The following ABCC9 variants were observed in gnomAD, a reference collection of about 807,000 sequenced individuals.
The protein encoded by ABCC9 is ATP-binding cassette sub-family C member 9.
In ABCC9, 95 loss-of-function variants were observed where a neutral mutation model predicts 188.3. The ratio of observed to expected loss-of-function variants is 0.50; its 90% CI spans 0.43 to 0.60. ABCC9 has a LOEUF of 0.60. Ranked by LOEUF, ABCC9 falls within the 20% of genes least tolerant of loss-of-function variation. The pLI is 0.00. For synonymous variants in ABCC9, 659 were observed against 652.7 expected (o/e 1.01, Z -0.15); for missense variants, 1,102 against 1,876.3 (o/e 0.59, Z 7.62).
chr12:21,818,104 G>T, intron 32 of ABCC9, 46 bp downstream of exon 32: 1 of 1,301,588 alleles, frequency 7.7e-7, no homozygotes, highest in Non-Finnish European at 1.1e-6. Flanking sequence ...GTGAGAACAT[G>T]CGGTGTTTGG....
chr12:21,936,638 A>G lies in ABCC9; in HGVS notation c.37T>C (p.Tyr13His), dbSNP rs771346551. The change falls in exon 3 of 40, where the codon TAT (tyrosine) becomes CAT (histidine). Residue 13 changes from tyrosine (Y) to histidine (H), a missense_variant. By Grantham distance (83) the Tyr-to-His change is moderately conservative. Around this residue, in one of 12 missense-constraint regions of ABCC9, gnomAD observed 305 missense variants for 573.0 expected, o/e 0.53. Transcript: ENST00000261200. Reference sequence around the variant, plus strand: ...TGTAGTACACCATCGTTGATATTATATGAAGAAATGTTGTTACCACAAAAT... The same window carrying G: ...TGTAGTACACCATCGTTGATATTATGTGAAGAAATGTTGTTACCACAAAAT... The part of the protein sequence containing the change: ...LSFCGNNISS[Y>H]NINDGVLQNS... 1.9e-6 allele frequency: 3 copies of G among 1,611,176 alleles called. No homozygotes were observed. Among genetic ancestry groups the G allele is most frequent in the Non-Finnish European group, 2.5e-6 (3 of 1,177,570 alleles).
intron 4 of ABCC9, among the ~76,000 whole-genome samples, chr12:21,933,108 T>C (rs1949352481): frequency 6.6e-6 from 1 of 151,806 alleles, no homozygotes; most frequent in Non-Finnish European, 1.5e-5. Context: ...GAGGCCATTA[T>C]TCTTAGCAAA....
At chr12:21,896,079 C>CTTTTTTTTTTTTTTTTTTTCTT (rs5796933) in intron 12 of ABCC9, among the ~76,000 whole-genome samples, 1 of 128,050 alleles carries the variant, frequency 7.8e-6, no homozygotes, top group African/African-American at 2.9e-5. Context: ...ATCTAATTTT[C>CTTTTTTTTTTTTTTTTTTTCTT]TTTTTTTTTT....
At chr12:21,842,872 A>C (rs199979690) in intron 28 of ABCC9, among the ~76,000 whole-genome samples, 2 of 152,146 alleles carry the variant, frequency 1.3e-5, no homozygotes, top group East Asian at 3.9e-4. Context: ...ATTTAAATTA[A>C]TTTTCTGTAA....
In ABCC9 at chr12:21,906,157, G is replaced by C. The variant is rs570095510; in HGVS notation, c.1587C>G (p.Leu529=). The C allele has an allele frequency of 7.4e-6, 12 of 1,613,168 alleles. No homozygotes were observed. The South Asian group carries it at 1.3e-4, about 18-fold the overall frequency. ...EETRMKELSS[L]KTFALYTSLS... Reference sequence around the variant, plus strand: ...GTGATGTATATAGTGCAAAGGTTTTGAGACTAGATAGTTCTTTCATTCTTG... The same window carrying C: ...GTGATGTATATAGTGCAAAGGTTTTCAGACTAGATAGTTCTTTCATTCTTG... The change falls in exon 12 of 40, where the codon CTC becomes CTG. Residue 529 remains leucine (L), a synonymous_variant. Coordinates refer to ENST00000261200, the MANE Select transcript of ABCC9 (RefSeq NM_020297.4).
rs1323502127 is a variant in ABCC9 at position 21,848,261 on chromosome 12, G to C, written c.2770-15C>G. ...GCTTCCATATCCTGCAGTAAACATT[G>C]TACTATCATGCAAGGAGCTAACACC... is the stretch of plus-strand genomic sequence containing the variant. On this transcript the variant is annotated splice_polypyrimidine_tract_variant and intron_variant, in intron 24 of 39. Coordinates refer to ENST00000261200, the MANE Select transcript of ABCC9 (RefSeq NM_020297.4). The C allele has an allele frequency of 6.2e-7, 1 of 1,605,138 alleles. No individual in the cohort carries two copies. The highest frequency in any genetic ancestry group is 8.5e-7 in the Non-Finnish European group (1 of 1,172,332).
Position 21,906,256 on chromosome 12 carries a change from AT to A in ABCC9, c.1487del (p.Asn496MetfsTer4). 6.2e-7 allele frequency: 1 copy of A among 1,612,344 alleles called. No individual in the cohort carries two copies. Among genetic ancestry groups the A allele is most frequent in the Non-Finnish European group, 8.5e-7 (1 of 1,178,996 alleles). On this transcript the variant is annotated frameshift_variant, in exon 12 of 40. Transcript: ENST00000261200. LOFTEE classifies it high-confidence loss of function. ...GAAGTTTGATGCCTTTCAATATTTC[AT>A]TTGTTTTCTTGAGTCTCTCAGTGGA... ...DYSTERLKKT[N>X]EILKGIKLLK...
chr12:21,810,635 C>T (rs539550594), intron 36 of ABCC9, among the ~76,000 whole-genome samples: 15 of 152,114 alleles, frequency 9.9e-5, no homozygotes, highest in African/African-American at 1.2e-4. Context: ...TGGGGGTAAC[C>T]GCCCCCATGA....
At chr12:21,926,309 A>G (rs1049165500) in intron 4 of ABCC9, among the ~76,000 whole-genome samples, 26 of 152,232 alleles carry the variant, frequency 1.7e-4, no homozygotes, top group Non-Finnish European at 7.3e-5. Context: ...CTTACAAAGA[A>G]ACAAATGTAT....
Position 21,910,089 on chromosome 12 carries a change from A to G in ABCC9, c.1320+68T>C, listed in dbSNP as rs1592210669. 4.9e-6 allele frequency: 7 copies of G among 1,436,240 alleles called. No individual in the cohort carries two copies. In the East Asian group the frequency reaches 1.4e-4, roughly 28 times the overall value. 89.0% of individuals were successfully genotyped at this position (1,436,240 alleles called of 1,614,324 possible). ...AACTATACACCTTTTACAGAGCTAA[A>G]TACATTACTGCTTTTTTTGTTTTAT... On this transcript the variant is annotated intron_variant, in intron 10 of 39. Coordinates refer to ENST00000261200, the MANE Select transcript of ABCC9 (RefSeq NM_020297.4).
chr12:21,838,160 C>T lies in ABCC9; in HGVS notation c.3484G>A (p.Glu1162Lys). The change falls in exon 30 of 40, where the codon GAA (glutamate) becomes AAA (lysine). Residue 1162 changes from glutamate (E) to lysine (K), a missense_variant. Coordinates refer to ENST00000261200, the MANE Select transcript of ABCC9 (RefSeq NM_020297.4). Reference sequence around the variant, plus strand: ...GGGAGCTGGGTACTATCGTCAAGTTCCTGGAGGTCCCTAGTAGAGAGAGGG... The same window carrying T: ...GGGAGCTGGGTACTATCGTCAAGTTTCTGGAGGTCCCTAGTAGAGAGAGGG... ...YFRVASKDLQ[E>K]LDDSTQLPLL... The T allele has an allele frequency of 6.2e-7, 1 of 1,613,498 alleles. No homozygotes were observed. Among genetic ancestry groups the T allele is most frequent in the East Asian group, 2.2e-5 (1 of 44,868 alleles).
chr12:21,911,088 G>A (rs967167671), intron 8 of ABCC9, 110 bp from the exon 9 acceptor site: 11 of 1,066,454 alleles, frequency 1.0e-5, no homozygotes, highest in African/African-American at 8.0e-5. Context: ...AAAATTCAAT[G>A]TATTTATTAT....
At chr12:21,850,635 A>G (rs1322205562) in intron 24 of ABCC9, among the ~76,000 whole-genome samples, 4 of 152,162 alleles carry the variant, frequency 2.6e-5, no homozygotes, top group Non-Finnish European at 5.9e-5. Context: ...CTTGCTTAAC[A>G]GTGTTACTAT....
At chr12:21,919,331 T>C (rs1254101836) in intron 5 of ABCC9, among the ~76,000 whole-genome samples, 2 of 151,938 alleles carry the variant, frequency 1.3e-5, no homozygotes, top group African/African-American at 2.4e-5. Flanking sequence ...ATACTAGGAA[T>C]GAAAGAGGCA....
intron 5 of ABCC9, among the ~76,000 whole-genome samples, chr12:21,922,281 C>T (rs1948852369): frequency 6.6e-6 from 1 of 151,878 alleles, no homozygotes; most frequent in Admixed American, 6.6e-5. Flanking sequence ...AGATCTTTCA[C>T]TTCTTTGGTT....
intron 35 of ABCC9, among the ~76,000 whole-genome samples, chr12:21,813,659 G>A (rs1446700152): frequency 6.6e-6 from 1 of 152,058 alleles, no homozygotes; most frequent in Non-Finnish European, 1.5e-5. Context: ...TAATCCCACT[G>A]AAAGTCCTTA....
intron 22 of ABCC9, among the ~76,000 whole-genome samples, chr12:21,857,707 A>G (rs1945297009): frequency 6.6e-6 from 1 of 152,158 alleles, no homozygotes; most frequent in African/African-American, 2.4e-5. Flanking sequence ...GAGAGACATC[A>G]TGTTGCTGGC....
chr12:21,897,518 T>C (rs943203170), intron 12 of ABCC9, among the ~76,000 whole-genome samples: 1 of 152,204 alleles, frequency 6.6e-6, no homozygotes, highest in Non-Finnish European at 1.5e-5. Context: ...GTATTATCCA[T>C]TATCTTCTTT....
At chr12:21,874,190 A>AGAACCC (rs1946221443) in intron 17 of ABCC9, among the ~76,000 whole-genome samples, 2 of 152,190 alleles carry the variant, frequency 1.3e-5, no homozygotes, top group African/African-American at 4.8e-5. Flanking sequence ...AAATGGGCAA[A>AGAACCC]GAACCCGAAT....
Sources: allele counts gnomAD v4.1 joint callset (sites outside exome capture counted in the v4.1 genomes callset), GRCh38; gene constraint gnomAD v4.1.1; regional missense constraint gnomAD v4.1.1; transcripts MANE v1.5; gene names NCBI Gene and HGNC (gene_info 2026-07-23, HGNC 2026-07-21).